RALGPS1: variants seen among roughly 807,000 people sequenced by gnomAD.
RALGPS1 encodes the protein ras-specific guanine nucleotide-releasing factor RalGPS1.
RALGPS1 carries 19 observed loss-of-function variants against 78.8 expected under a neutral mutation model. The observed-to-expected ratio is 0.24, with a 90% confidence interval of 0.17 to 0.35. The LOEUF is 0.35. Among genes scored for constraint, RALGPS1 ranks in the 10% least tolerant of loss-of-function variants. RALGPS1 has a pLI of 1.00. For missense variants in RALGPS1, 454 were observed against 688.3 expected (o/e 0.66, Z 3.81); for synonymous variants, 228 against 256.3 (o/e 0.89, Z 1.06).
chr9:127,165,227 C>T (rs1162707542), intron 8 of RALGPS1, among the ~76,000 whole-genome samples: 1 of 152,256 alleles, frequency 6.6e-6, no homozygotes, highest in Admixed American at 6.5e-5. Flanking sequence ...TCCTGGAGGG[C>T]AGCTGAAAGG....
rs529137846 is a variant in RALGPS1 at position 127,160,047 on chromosome 9, A to G, written c.611-6022A>G. On this transcript the variant is annotated intron_variant, in intron 8 of 18. Transcript: ENST00000259351. ...TATTAAAAAGATAGCTGTATGAGAA[A>G]AACCAAAACCAGACTTGGGTTGGAA... Among the ~76,000 whole-genome samples the G allele has an allele frequency of 3.3e-5, 5 of 152,324 alleles. No homozygotes were observed. In the South Asian group the frequency reaches 1.0e-3, roughly 32 times the overall value.
At chr9:127,197,977 G>A (rs77747719) in intron 13 of RALGPS1, among the ~76,000 whole-genome samples, 1,606 of 152,282 alleles carry the variant, frequency 0.011, 40 homozygotes, top group African/African-American at 0.036. Context: ...TCAGCTGGGC[G>A]GCAAAACAGC....
intron 14 of RALGPS1, among the ~76,000 whole-genome samples, chr9:127,209,263 G>A (rs887142872): frequency 1.3e-5 from 2 of 152,380 alleles, no homozygotes; most frequent in East Asian, 3.9e-4. Context: ...GCTTCTGCAT[G>A]GGCTAGCGAC....
intron 4 of RALGPS1, among the ~76,000 whole-genome samples, chr9:127,032,821 T>A (rs2046541084): frequency 1.3e-5 from 2 of 151,912 alleles, no homozygotes; most frequent in South Asian, 4.2e-4. Context: ...GAGACCCCCA[T>A]CTCTACAAAA....
At chr9:127,108,450 A>G (rs1589522456) in intron 8 of RALGPS1, 4 of 1,610,108 alleles carry the variant, frequency 2.5e-6, no homozygotes, top group East Asian at 2.2e-5. Context: ...TGAGCAGCTC[A>G]TTGTTGAGCA....
At chr9:126,918,342 A>G (rs2034390387) in intron 1 of RALGPS1, among the ~76,000 whole-genome samples, 1 of 152,190 alleles carries the variant, frequency 6.6e-6, no homozygotes, top group Non-Finnish European at 1.5e-5. Flanking sequence ...ATATCGTTTA[A>G]AACTTTTTTT....
intron 8 of RALGPS1, among the ~76,000 whole-genome samples, chr9:127,118,930 G>C (rs2137589161): frequency 6.6e-6 from 1 of 152,320 alleles, no homozygotes; most frequent in East Asian, 1.9e-4. Context: ...GCTCGTGTGT[G>C]GCCCAGTGTG....
At chr9:126,958,158 TACACAC>T (rs60776038) in intron 1 of RALGPS1, among the ~76,000 whole-genome samples, 6 of 121,060 alleles carry the variant, frequency 5.0e-5, no homozygotes, top group Non-Finnish European at 8.7e-5. Context: ...TATATATATA[TACACAC>T]ACACACACAC....
chr9:127,038,530 C>A (rs1314181108), intron 5 of RALGPS1, among the ~76,000 whole-genome samples: 1 of 152,222 alleles, frequency 6.6e-6, no homozygotes. Context: ...GTTACTCTTT[C>A]CTCATTGTGT....
In RALGPS1 at chr9:127,211,512, G is replaced by A. The variant is rs1287635445; in HGVS notation, c.1248-619G>A. Among the ~76,000 whole-genome samples, 1 of 152,194 alleles carries A rather than the reference G, an allele frequency of 6.6e-6. No individual in the cohort carries two copies. The highest frequency in any genetic ancestry group is 2.4e-5 in the African/African-American group (1 of 41,436). On this transcript the variant is annotated intron_variant, in intron 14 of 18. Transcript: ENST00000259351. This position sits in a 1 kb window ranked among gnomAD's most constrained non-coding sequence, Gnocchi z 5.0. Reference sequence around the variant, plus strand: ...TTTCTGGCTGAAGCAGCCAGTAGGGGGTGGTGCCATTCCTGAGGCACCGGC... The same window carrying A: ...TTTCTGGCTGAAGCAGCCAGTAGGGAGTGGTGCCATTCCTGAGGCACCGGC...
At chr9:126,974,196 GAA>G (rs2040389591) in intron 3 of RALGPS1, among the ~76,000 whole-genome samples, 1 of 152,112 alleles carries the variant, frequency 6.6e-6, no homozygotes, top group South Asian at 2.1e-4. Flanking sequence ...TTTTAAAAAT[GAA>G]AAGTTAAAAA....
intron 11 of RALGPS1, among the ~76,000 whole-genome samples, chr9:127,180,899 G>A (rs536115012): frequency 6.6e-6 from 1 of 152,248 alleles, no homozygotes; most frequent in African/African-American, 2.4e-5. Context: ...GCTACAAGCG[G>A]GGGGCGCAGA....
rs552178765 is a variant in RALGPS1, at chr9:126,994,400, C to T, written c.216+16655C>T. 1.0e-3 allele frequency among the ~76,000 whole-genome samples: 156 copies of T among 152,018 alleles called. 2 individuals carry two copies. Among genetic ancestry groups the T allele is most frequent in the African/African-American group, 3.6e-3 (150 of 41,452 alleles). On this transcript the variant is annotated intron_variant, in intron 4 of 18. Coordinates refer to ENST00000259351, the MANE Select transcript of RALGPS1 (RefSeq NM_014636.3). ...TGATGAATGCAGAAGCCTCAGTAGC[C>T]GATGCGATCAACTGGAAGAAAGGGT...
chr9:127,218,828 G>A lies in RALGPS1; in HGVS notation c.*59G>A. The A allele has an allele frequency of 1.3e-6, 2 of 1,561,270 alleles. No individual in the cohort carries two copies. The highest frequency in any genetic ancestry group is 8.8e-7 in the Non-Finnish European group (1 of 1,131,838). ...TCTGGGAACCCAGGCTGGGCCTGGT[G>A]GTGAAGAGCAGTCCTGGGCACAGGC... On this transcript the variant is annotated 3_prime_UTR_variant, in exon 19 of 19. Coordinates refer to ENST00000259351, the MANE Select transcript of RALGPS1 (RefSeq NM_014636.3). This position sits in a 1 kb window ranked among gnomAD's most constrained non-coding sequence, Gnocchi z 4.4.
intron 18 of RALGPS1, chr9:127,216,932 A>C: frequency 2.6e-6 from 4 of 1,547,884 alleles, no homozygotes; most frequent in Non-Finnish European, 3.5e-6. Flanking sequence ...CAGGTCCAAC[A>C]GGAACTGACA....
At chr9:127,010,428 A>C (rs2044234929) in intron 4 of RALGPS1, among the ~76,000 whole-genome samples, 1 of 152,232 alleles carries the variant, frequency 6.6e-6, no homozygotes, top group Non-Finnish European at 1.5e-5. Context: ...ATGTCATTCA[A>C]AATGACTGCC....
At chr9:127,108,000 ACT>A in intron 8 of RALGPS1, 1 of 1,590,278 alleles carries the variant, frequency 6.3e-7, no homozygotes, top group Non-Finnish European at 8.6e-7. Context: ...GGTTCTGGTC[ACT>A]CTGGATCTCG....
intron 4 of RALGPS1, among the ~76,000 whole-genome samples, chr9:127,026,903 C>G (rs1317658925): frequency 6.6e-6 from 1 of 152,212 alleles, no homozygotes; most frequent in African/African-American, 2.4e-5. Flanking sequence ...GCATGGAAGC[C>G]TTTAATTCTC....
intron 13 of RALGPS1, among the ~76,000 whole-genome samples, 157 bp from the exon 14 acceptor site, chr9:127,198,858 C>T (rs971707748): frequency 6.6e-6 from 1 of 152,198 alleles, no homozygotes; most frequent in Non-Finnish European, 1.5e-5. Context: ...AGAGTTAGAA[C>T]TCACAGCAAA....
Sources: gnomAD v4.1 joint callset for allele counts (sites outside exome capture counted in the v4.1 genomes callset) on GRCh38, gnomAD v4.1.1 for gene constraint, Gnocchi (gnomAD v3.1) non-coding constraint, MANE v1.5 for transcripts, NCBI Gene and HGNC (gene_info 2026-07-23, HGNC 2026-07-21) for gene names.